Variants in CHD7 observed in about 807,000 individuals in gnomAD.
The protein encoded by CHD7 is ATP-dependent chromatin remodeler CHD7.
A neutral mutation model predicts 307.3 loss-of-function variants in CHD7; 24 were observed. That is an observed-to-expected ratio of 0.08 (90% CI 0.06 to 0.11). The LOEUF (loss-of-function observed/expected upper bound fraction) is 0.11. Ranked by LOEUF, CHD7 falls within the 10% of genes least tolerant of loss-of-function variation. CHD7 has a pLI of 1.00. For synonymous variants in CHD7, 1,363 were observed against 1,349.9 expected (o/e 1.01, Z -0.21); for missense variants, 3,106 against 3,727.1 (o/e 0.83, Z 4.34).
chr8:60,745,675 T>C (rs999765674), intron 2 of CHD7, among the ~76,000 whole-genome samples: 4 of 152,248 alleles, frequency 2.6e-5, no homozygotes, highest in African/African-American at 9.6e-5. Flanking sequence ...CTTCAGATTT[T>C]GAAACACTCA....
chr8:60,864,998 G>T lies in CHD7; in HGVS notation c.8077-18G>T. On this transcript the variant is annotated intron_variant, in intron 37 of 37. Transcript: ENST00000423902. ...TCGACAGCCTTTATAGCCACTGTTT[G>T]CCTCCCCTGTACTCCAGGGTTTTGT... 2 of 1,567,232 alleles carry T rather than the reference G, an allele frequency of 1.3e-6. No homozygotes were observed. The highest frequency in any genetic ancestry group is 1.7e-6 in the Non-Finnish European group (2 of 1,152,096).
chr8:60,759,264 G>C lies in CHD7; in HGVS notation c.1665+16167G>C, dbSNP rs999015573. On this transcript the variant is annotated intron_variant, in intron 2 of 37. Coordinates refer to ENST00000423902, the MANE Select transcript of CHD7 (RefSeq NM_017780.4). ...GCTGGGGTGCTGGCCACCACTGCCAGGTCATGTCTTGAGCAGGAATGAGTC... is the reference window on the plus strand; with the variant it reads ...GCTGGGGTGCTGGCCACCACTGCCACGTCATGTCTTGAGCAGGAATGAGTC... Among the ~76,000 whole-genome samples, 3 of 152,196 alleles carry C rather than the reference G, an allele frequency of 2.0e-5. No homozygotes were observed. In the East Asian group the frequency reaches 5.8e-4, roughly 29 times the overall value.
At chr8:60,727,323 T>TC (rs1488763541) in intron 1 of CHD7, among the ~76,000 whole-genome samples, 2 of 152,120 alleles carry the variant, frequency 1.3e-5, no homozygotes, top group Non-Finnish European at 2.9e-5. Context: ...AGACGGGGTT[T>TC]CCCCATGTTG....
chr8:60,689,759 C>G (rs182274208), intron 1 of CHD7, among the ~76,000 whole-genome samples: 44 of 152,352 alleles, frequency 2.9e-4, no homozygotes, highest in Non-Finnish European at 6.0e-4. Flanking sequence ...ACATTTTCAA[C>G]CTGAAAGACA....
chr8:60,780,756 C>G (rs1811173718), intron 2 of CHD7, among the ~76,000 whole-genome samples: 1 of 152,086 alleles, frequency 6.6e-6, no homozygotes. Flanking sequence ...ACTTCCTGAA[C>G]TGATTTTTTT....
At chr8:60,789,152 A>G (rs1471679487) in intron 3 of CHD7, among the ~76,000 whole-genome samples, 1 of 152,206 alleles carries the variant, frequency 6.6e-6, no homozygotes, top group Non-Finnish European at 1.5e-5. Context: ...CTTGGCCTCT[A>G]CCATCTAGCT....
chr8:60,836,012 C>T, intron 15 of CHD7, 61 bp from the exon 16 acceptor site: 1 of 1,248,186 alleles, frequency 8.0e-7, no homozygotes, highest in Non-Finnish European at 1.1e-6. Flanking sequence ...AAAGCAAGTG[C>T]ATTGTTTTTA....
intron 2 of CHD7, among the ~76,000 whole-genome samples, chr8:60,751,783 A>G (rs1809654284): frequency 6.6e-6 from 1 of 152,244 alleles, no homozygotes; most frequent in Non-Finnish European, 1.5e-5. Context: ...GTGGAGGGCT[A>G]GGACATGATT....
chr8:60,680,021 C>T (rs1430606026), intron 1 of CHD7, among the ~76,000 whole-genome samples: 2 of 151,452 alleles, frequency 1.3e-5, no homozygotes, highest in Admixed American at 6.6e-5. Context: ...GAGGGGACCC[C>T]ACCTTGTCGA....
chr8:60,818,982 C>T (rs746051464), intron 8 of CHD7, among the ~76,000 whole-genome samples: 23 of 152,164 alleles, frequency 1.5e-4, no homozygotes, highest in Non-Finnish European at 1.0e-4. Context: ...GACGGAGTGT[C>T]GCCCTCTGTC....
At chr8:60,763,423 T>C (rs955618578) in intron 2 of CHD7, among the ~76,000 whole-genome samples, 1 of 151,906 alleles carries the variant, frequency 6.6e-6, no homozygotes, top group African/African-American at 2.4e-5. Context: ...TAGAAGACAG[T>C]TGAGAGGTAA....
Position 60,828,791 on chromosome 8 carries a change from A to G in CHD7, c.3507A>G (p.Leu1169=), listed in dbSNP as rs1262645283. Residue 1169 remains leucine, a synonymous_variant, in exon 14 of 38, where the codon CTA becomes CTG. Transcript: ENST00000423902. The stretch of plus-strand genomic sequence containing the variant: ...CATTTATGCAAGAATTTGGTGATCT[A>G]AAAACAGAAGAGCAGGTATTTATCA... ...ETTFMQEFGD[L]KTEEQVQKLQ... is the part of the protein sequence containing the mutation. 6.2e-7 allele frequency: 1 copy of G among 1,613,614 alleles called. No individual in the cohort carries two copies. The highest frequency in any genetic ancestry group is 1.1e-5 in the South Asian group (1 of 91,022).
intron 26 of CHD7, 163 bp downstream of exon 26, chr8:60,850,785 C>A: frequency 1.3e-6 from 1 of 772,168 alleles, no homozygotes; most frequent in Non-Finnish European, 2.1e-6. Context: ...ACTGTTTAAA[C>A]AATATACATT....
At chr8:60,685,161 G>A (rs544766752) in intron 1 of CHD7, among the ~76,000 whole-genome samples, 1 of 152,278 alleles carries the variant, frequency 6.6e-6, no homozygotes, top group Non-Finnish European at 1.5e-5. Context: ...AGCTGATAAT[G>A]GACCATGATG....
chr8:60,679,290 C>T (rs1185221868), intron 1 of CHD7, among the ~76,000 whole-genome samples: 3 of 146,862 alleles, frequency 2.0e-5, no homozygotes, highest in East Asian at 2.0e-4. Context: ...GCCGGCGTCG[C>T]CGCCCGCGGG....
intron 1 of CHD7, among the ~76,000 whole-genome samples, chr8:60,689,696 G>A (rs1419393198): frequency 6.6e-6 from 1 of 152,210 alleles, no homozygotes; most frequent in African/African-American, 2.4e-5. Flanking sequence ...TCTGTTAACA[G>A]ATTATAGTCA....
chr8:60,753,959 C>T (rs1008507270), intron 2 of CHD7, among the ~76,000 whole-genome samples: 4 of 152,090 alleles, frequency 2.6e-5, no homozygotes, highest in African/African-American at 9.7e-5. Context: ...AAGCTCCCCA[C>T]GTCAAAGAGC....
intron 15 of CHD7, among the ~76,000 whole-genome samples, chr8:60,833,635 A>G (rs1804619032): frequency 6.6e-6 from 1 of 152,230 alleles, no homozygotes; most frequent in Non-Finnish European, 1.5e-5. Flanking sequence ...AAAGACTTCA[A>G]GCTGTAAGTG....
At chr8:60,817,082 G>A (rs1013479522) in intron 8 of CHD7, among the ~76,000 whole-genome samples, 1 of 152,190 alleles carries the variant, frequency 6.6e-6, no homozygotes, top group African/African-American at 2.4e-5. Flanking sequence ...AGAAGTGCCA[G>A]TTCTGCCCTC....
Sources: gnomAD v4.1 joint callset for allele counts (sites outside exome capture counted in the v4.1 genomes callset) on GRCh38, gnomAD v4.1.1 for gene constraint, MANE v1.5 for transcripts, NCBI Gene and HGNC (gene_info 2026-07-23, HGNC 2026-07-21) for gene names.